SPOPL: variants seen among roughly 807,000 people sequenced by gnomAD.
The protein encoded by SPOPL is speckle-type POZ protein-like.
SPOPL carries 23 observed loss-of-function variants against 53.8 expected under a neutral mutation model. That is an observed-to-expected ratio of 0.43 (90% CI 0.31 to 0.61). SPOPL has a LOEUF of 0.61. Among genes scored for constraint, SPOPL ranks in the 20% least tolerant of loss-of-function variants. The pLI is 0.12. For missense variants in SPOPL, 442 were observed against 466.9 expected, an observed-to-expected ratio of 0.95 and a Z score of 0.49; for synonymous variants, 164 against 149.7, an observed-to-expected ratio of 1.10 and a Z score of -0.70.
chr2:138,539,786 G>A (rs553469918), intron 1 of SPOPL, among the ~76,000 whole-genome samples: 8 of 152,262 alleles, frequency 5.3e-5, no homozygotes, highest in African/African-American at 1.9e-4. Flanking sequence ...TGTCTTTGTT[G>A]CCATTGCTTT....
At chr2:138,557,155 CAAAA>C (rs1685444172) in intron 5 of SPOPL, among the ~76,000 whole-genome samples, 1 of 149,450 alleles carries the variant, frequency 6.7e-6, no homozygotes, top group African/African-American at 2.5e-5. Flanking sequence ...GACTCCGTCT[CAAAA>C]GAAAAAAAAA....
chr2:138,565,858 C>G (rs1309597845), intron 10 of SPOPL, among the ~76,000 whole-genome samples: 1 of 151,274 alleles, frequency 6.6e-6, no homozygotes, highest in Admixed American at 6.6e-5. Flanking sequence ...CTCAGCCTCC[C>G]AAGTAGCTGG....
At chr2:138,522,911 C>G (rs1684588466) in intron 1 of SPOPL, among the ~76,000 whole-genome samples, 2 of 152,156 alleles carry the variant, frequency 1.3e-5, no homozygotes, top group African/African-American at 4.8e-5. Flanking sequence ...GTAACTAGCC[C>G]CCTTCCTTTT....
intron 1 of SPOPL, among the ~76,000 whole-genome samples, chr2:138,545,661 G>A (rs181650707): frequency 6.6e-6 from 1 of 151,806 alleles, no homozygotes; most frequent in African/African-American, 2.4e-5. Context: ...GGATGGTCTC[G>A]ATCTTCTGAC....
chr2:138,515,022 C>T (rs1473888469), intron 1 of SPOPL, among the ~76,000 whole-genome samples: 2 of 152,148 alleles, frequency 1.3e-5, no homozygotes, highest in Non-Finnish European at 2.9e-5. Context: ...GAACAGACAC[C>T]TGTATATTTT....
At chr2:138,565,083 G>T in intron 10 of SPOPL, 90 bp downstream of exon 10, 1 of 1,470,464 alleles carries the variant, frequency 6.8e-7, no homozygotes, top group Middle Eastern at 2.4e-4. Context: ...CAATAAGTAT[G>T]AATCCAAATG....
chr2:138,539,543 GTCT>G (rs1365245910), intron 1 of SPOPL, among the ~76,000 whole-genome samples: 1 of 152,130 alleles, frequency 6.6e-6, no homozygotes, highest in East Asian at 1.9e-4. Flanking sequence ...CTGCATAAAT[GTCT>G]TCTTTTGAGA....
At chr2:138,533,241 GTA>G (rs1404394058) in intron 1 of SPOPL, among the ~76,000 whole-genome samples, 1 of 152,180 alleles carries the variant, frequency 6.6e-6, no homozygotes, top group Non-Finnish European at 1.5e-5. Flanking sequence ...ATTGGTCTCA[GTA>G]TATAGCTCTT....
At chr2:138,558,868 T>C (rs996579481) in intron 5 of SPOPL, among the ~76,000 whole-genome samples, 154 bp from the exon 6 acceptor site, 2 of 152,198 alleles carry the variant, frequency 1.3e-5, no homozygotes, top group African/African-American at 4.8e-5. Flanking sequence ...TTAAATTGTG[T>C]TTTTAATTTC....
chr2:138,520,989 T>C (rs1684545403), intron 1 of SPOPL, among the ~76,000 whole-genome samples: 1 of 152,192 alleles, frequency 6.6e-6, no homozygotes, highest in South Asian at 2.1e-4. Context: ...TAGAAAAAAT[T>C]GGACTTGTCA....
At chr2:138,522,350 T>C (rs2104865415) in intron 1 of SPOPL, among the ~76,000 whole-genome samples, 1 of 152,300 alleles carries the variant, frequency 6.6e-6, no homozygotes, top group South Asian at 2.1e-4. Flanking sequence ...TGCCTTTTGC[T>C]TGGGGCAGAG....
At position 138,566,645 on chromosome 2, in the gene SPOPL, A is replaced by G. The variant is rs115201171; in HGVS notation, c.1034+1652A>G. On this transcript the variant is annotated intron_variant, in intron 10 of 10. Transcript: ENST00000280098. Reference sequence around the variant, plus strand: ...AATAATTTGATGTTTGCCAACTTAAAAAATTGTTTTGTTGGTATCAGCTAC... The same window carrying G: ...AATAATTTGATGTTTGCCAACTTAAGAAATTGTTTTGTTGGTATCAGCTAC... Among the ~76,000 whole-genome samples, 733 of 152,298 alleles carry G rather than the reference A, an allele frequency of 4.8e-3. 3 individuals are homozygous for G. The highest frequency in any genetic ancestry group is 0.015 in the African/African-American group (638 of 41,556).
At chr2:138,540,604 CTT>C (rs1393843859) in intron 1 of SPOPL, among the ~76,000 whole-genome samples, 2 of 152,138 alleles carry the variant, frequency 1.3e-5, no homozygotes, top group African/African-American at 4.8e-5. Flanking sequence ...TATCCTGAGA[CTT>C]TGCTGAAGTT....
At chr2:138,546,613 G>A (rs1685200617) in intron 1 of SPOPL, among the ~76,000 whole-genome samples, 1 of 152,100 alleles carries the variant, frequency 6.6e-6, no homozygotes, top group South Asian at 2.1e-4. Context: ...AATAAGAATT[G>A]GAACAATAGG....
intron 5 of SPOPL, among the ~76,000 whole-genome samples, chr2:138,558,037 G>A (rs1685465527): frequency 6.6e-6 from 1 of 152,008 alleles, no homozygotes; most frequent in Admixed American, 6.6e-5. Context: ...GTGCACACCT[G>A]TAATCCCAGC....
chr2:138,541,616 T>G (rs1423600447), intron 1 of SPOPL, among the ~76,000 whole-genome samples: 1 of 152,198 alleles, frequency 6.6e-6, no homozygotes, highest in East Asian at 1.9e-4. Flanking sequence ...TTGTGTCTAT[T>G]TGATTCTTCT....
At chr2:138,502,143 C>G (rs925473397) in intron 1 of SPOPL, 24 bp downstream of exon 1, 1 of 152,622 alleles carries the variant, frequency 6.6e-6, no homozygotes, top group Non-Finnish European at 1.5e-5. Flanking sequence ...CCCCTCCCCC[C>G]AGTCCCCGCG....
At chr2:138,531,551 T>TGA (rs1684809955) in intron 1 of SPOPL, among the ~76,000 whole-genome samples, 1 of 152,204 alleles carries the variant, frequency 6.6e-6, no homozygotes, top group Non-Finnish European at 1.5e-5. Context: ...ACTAAGTAGG[T>TGA]GTTAGACTCT....
intron 10 of SPOPL, among the ~76,000 whole-genome samples, chr2:138,568,081 A>G (rs1303955110): frequency 3.9e-5 from 6 of 152,118 alleles, no homozygotes; most frequent in African/African-American, 1.2e-4. Flanking sequence ...GGAACAATGA[A>G]GAGGGCCTCA....
Sources: gnomAD v4.1 joint callset for allele counts (sites outside exome capture counted in the v4.1 genomes callset) on GRCh38, gnomAD v4.1.1 for gene constraint, MANE v1.5 for transcripts, NCBI Gene and HGNC (gene_info 2026-07-23, HGNC 2026-07-21) for gene names.